ARL15: variants seen among roughly 807,000 people sequenced by gnomAD.
ARL15 encodes the protein ARF like GTPase 15.
A neutral mutation model predicts 25.2 loss-of-function variants in ARL15; 19 were observed. That is an observed-to-expected ratio of 0.75 (90% CI 0.53 to 1.10). ARL15 has a LOEUF of 1.10. ARL15 is among the 50% of genes least tolerant of loss of function. The pLI, the probability that ARL15 is intolerant of heterozygous loss-of-function variation, is 0.00. For missense variants in ARL15, 220 were observed against 246.0 expected (o/e 0.89, Z 0.71); for synonymous variants, 94 against 86.8 (o/e 1.08, Z -0.46).
chr5:54,280,254 T>C (rs900642623), intron 1 of ARL15, among the ~76,000 whole-genome samples: 1 of 152,132 alleles, frequency 6.6e-6, no homozygotes, highest in African/African-American at 2.4e-5. Flanking sequence ...TTCCCCAACT[T>C]GCATTCAAAT....
In ARL15 at chr5:53,885,738, A is replaced by G. The variant is rs1262036018; in HGVS notation, c.*823T>C. ...TTTCTCTATTTTAATCAAACACTTG[A>G]AGTTTTTAGAAAAAGATACCTATGT... On this transcript the variant is annotated 3_prime_UTR_variant, in exon 5 of 5. Coordinates refer to ENST00000504924, the MANE Select transcript of ARL15 (RefSeq NM_019087.3). 1 of 152,186 alleles carries G rather than the reference A, an allele frequency of 6.6e-6. No individual in the cohort carries two copies. The highest frequency in any genetic ancestry group is 1.5e-5 in the Non-Finnish European group (1 of 68,022). The allele number at this position is 152,186 out of a possible 1,614,324, so 9.4% of individuals were successfully genotyped here.
chr5:54,167,726 T>C (rs538100511), intron 2 of ARL15, among the ~76,000 whole-genome samples: 2 of 152,216 alleles, frequency 1.3e-5, no homozygotes, highest in South Asian at 4.2e-4. Flanking sequence ...AGAAACAAAT[T>C]CTCTTAGCAC....
rs372424173 is a variant in ARL15, at chr5:54,209,187, T to C, written c.49-37259A>G. 1.2e-4 allele frequency among the ~76,000 whole-genome samples: 18 copies of C among 152,152 alleles called. No individual in the cohort carries two copies. In the East Asian group the frequency reaches 2.5e-3, roughly 21 times the overall value. ...ATGAAGGAGTAGGGGGAGGTAAAGA[T>C]GTGTGTTGGGGTGAATGGAGAGAGA... is the stretch of plus-strand genomic sequence containing the variant. On this transcript the variant is annotated intron_variant, in intron 1 of 4. Coordinates refer to ENST00000504924, the MANE Select transcript of ARL15 (RefSeq NM_019087.3).
chr5:53,942,262 G>A (rs116270657), intron 4 of ARL15, among the ~76,000 whole-genome samples: 144 of 152,170 alleles, frequency 9.5e-4, no homozygotes, highest in African/African-American at 3.3e-3. Context: ...AAAACAATGG[G>A]GGAGAAGTTG....
At chr5:54,045,320 T>C (rs560957059) in intron 4 of ARL15, among the ~76,000 whole-genome samples, 70 of 152,328 alleles carry the variant, frequency 4.6e-4, no homozygotes, top group Middle Eastern at 3.4e-3. Context: ...TGCTGATTGC[T>C]TGAAAGTCCA....
chr5:54,226,786 G>C (rs569152695), intron 1 of ARL15, among the ~76,000 whole-genome samples: 1 of 151,998 alleles, frequency 6.6e-6, no homozygotes, highest in African/African-American at 2.4e-5. Context: ...CATCTGATAC[G>C]GTGTGGCTAT....
At chr5:54,267,684 A>T (rs565671054) in intron 1 of ARL15, among the ~76,000 whole-genome samples, 12 of 152,270 alleles carry the variant, frequency 7.9e-5, no homozygotes, top group Non-Finnish European at 1.2e-4. Context: ...ATCTCTCAGC[A>T]TTAGCTTGTC....
intron 4 of ARL15, among the ~76,000 whole-genome samples, chr5:54,099,395 A>G (rs1752374062): frequency 6.6e-6 from 1 of 152,170 alleles, no homozygotes; most frequent in African/African-American, 2.4e-5. Context: ...ATGATTAAAA[A>G]AAAATTTCTG....
At chr5:54,198,994 A>C (rs1185235311) in intron 1 of ARL15, among the ~76,000 whole-genome samples, 1 of 151,776 alleles carries the variant, frequency 6.6e-6, no homozygotes, top group African/African-American at 2.4e-5. Flanking sequence ...ATAATGCCAC[A>C]TATCTACAAC....
intron 1 of ARL15, among the ~76,000 whole-genome samples, chr5:54,245,238 G>A (rs1216227955): frequency 6.6e-6 from 1 of 152,068 alleles, no homozygotes; most frequent in Non-Finnish European, 1.5e-5. Flanking sequence ...AGTAACCACT[G>A]AATCTTAGCA....
At chr5:54,049,139 T>G (rs544361741) in intron 4 of ARL15, among the ~76,000 whole-genome samples, 13 of 152,268 alleles carry the variant, frequency 8.5e-5, no homozygotes, top group African/African-American at 2.9e-4. Flanking sequence ...TGCTCAGAAT[T>G]AGTACTTTGA....
At chr5:54,157,042 G>GA (rs879798973) in intron 2 of ARL15, among the ~76,000 whole-genome samples, 3 of 152,222 alleles carry the variant, frequency 2.0e-5, no homozygotes, top group Non-Finnish European at 4.4e-5. Context: ...TCCTGAAAAT[G>GA]AAAAGCTCTC....
At chr5:53,957,183 G>C (rs1747188279) in intron 4 of ARL15, among the ~76,000 whole-genome samples, 1 of 152,074 alleles carries the variant, frequency 6.6e-6, no homozygotes, top group South Asian at 2.1e-4. Flanking sequence ...AAGGAATTTT[G>C]AAACAAGGTA....
rs1186443118 is a variant in ARL15, at chr5:53,884,981, A to G, written c.*1580T>C. On this transcript the variant is annotated 3_prime_UTR_variant, in exon 5 of 5. Coordinates refer to ENST00000504924, the MANE Select transcript of ARL15 (RefSeq NM_019087.3). ...TCCTGATTCATGACATTAAAAAAAA[A>G]AAGCTTAAAGAAGTGTTTGATGTTT... 6.6e-6 allele frequency: 1 copy of G among 152,608 alleles called. No individual in the cohort carries two copies. Among genetic ancestry groups the G allele is most frequent in the Non-Finnish European group, 1.5e-5 (1 of 68,036 alleles). The allele number at this position is 152,608 out of a possible 1,614,324, so 9.5% of individuals were successfully genotyped here. A position where few individuals can be genotyped will look rare whatever the true frequency, so the allele number is the denominator to read the frequency against.
At chr5:54,007,535 G>A (rs958111190) in intron 4 of ARL15, among the ~76,000 whole-genome samples, 3 of 152,048 alleles carry the variant, frequency 2.0e-5, no homozygotes, top group African/African-American at 7.2e-5. Context: ...GGCCAGGCGC[G>A]GTGGCTCATG....
intron 1 of ARL15, among the ~76,000 whole-genome samples, chr5:54,260,569 C>G (rs1041022320): frequency 1.3e-5 from 2 of 152,126 alleles, no homozygotes; most frequent in Non-Finnish European, 2.9e-5. Context: ...CAAGAGACCA[C>G]AGGGTTCTAG....
At chr5:54,053,247 C>T (rs1156662891) in intron 4 of ARL15, among the ~76,000 whole-genome samples, 1 of 151,774 alleles carries the variant, frequency 6.6e-6, no homozygotes, top group Admixed American at 6.6e-5. Context: ...CAACAAACAA[C>T]AACAAAACAA....
intron 1 of ARL15, among the ~76,000 whole-genome samples, chr5:54,271,851 G>T (rs1757793515): frequency 6.6e-6 from 1 of 151,856 alleles, no homozygotes; most frequent in African/African-American, 2.4e-5. Context: ...TCATCACCAG[G>T]GTCAAGCAGA....
At chr5:54,281,236 TTCAA>T (rs1758057311) in intron 1 of ARL15, among the ~76,000 whole-genome samples, 1 of 151,940 alleles carries the variant, frequency 6.6e-6, no homozygotes, top group Non-Finnish European at 1.5e-5. Flanking sequence ...ACTTCCTGGG[TTCAA>T]GCGATTCTCC....
Sources: gnomAD v4.1 joint callset for allele counts (sites outside exome capture counted in the v4.1 genomes callset) on GRCh38, gnomAD v4.1.1 for gene constraint, MANE v1.5 for transcripts, NCBI Gene and HGNC (gene_info 2026-07-23, HGNC 2026-07-21) for gene names.